The following SPATA6 variants were observed in gnomAD, a reference collection of about 807,000 sequenced individuals.
SPATA6 encodes the protein spermatogenesis-associated protein 6.
SPATA6 carries 56 observed loss-of-function variants against 65.3 expected under a neutral mutation model. That is an observed-to-expected ratio of 0.86 (90% CI 0.69 to 1.07). The LOEUF (loss-of-function observed/expected upper bound fraction) is 1.07. Ranked by LOEUF, SPATA6 falls within the 50% of genes least tolerant of loss-of-function variation. The probability of loss-of-function intolerance (pLI) is 0.00; values close to 1 mark genes in which losing one functional copy is unlikely to be tolerated. For synonymous variants in SPATA6, 199 were observed against 213.2 expected, an observed-to-expected ratio of 0.93 and a Z score of 0.58; for missense variants, 590 against 594.8, an observed-to-expected ratio of 0.99 and a Z score of 0.08.
At chr1:48,293,267 G>A (rs962031529), downstream of SPATA6, among the ~76,000 whole-genome samples, 1 of 152,198 alleles carries the variant, frequency 6.6e-6, no homozygotes, top group African/African-American at 2.4e-5. Context: ...TCACCTGAGG[G>A]TAACATTTGG....
Position 48,453,114 on chromosome 1 carries a change from G to A in SPATA6, c.69C>T (p.Val23=), listed in dbSNP as rs376652307. 11 of 1,612,322 alleles carry A rather than the reference G, an allele frequency of 6.8e-6. No homozygotes were observed. Among genetic ancestry groups the A allele is most frequent in the South Asian group, 1.1e-5 (1 of 90,652 alleles). Residue 23 remains valine (V), a synonymous_variant, in exon 2 of 13, where the codon GTC becomes GTT. Transcript: ENST00000371847. ...AGATGTCCTCTTTGTCTTTAAGCAC[G>A]ACTCCTGGGCAAGTTACCTGAAAGA... ...LEISSVTCPG[V]VLKDKEDIYL...
intron 12 of SPATA6, among the ~76,000 whole-genome samples, chr1:48,299,836 A>C (rs1644892858): frequency 6.6e-6 from 1 of 152,190 alleles, no homozygotes; most frequent in Non-Finnish European, 1.5e-5. Context: ...GTAAGTGGCA[A>C]AATGAAAAAG....
chr1:48,427,469 C>CTAT (rs1174454871), intron 3 of SPATA6, among the ~76,000 whole-genome samples: 1 of 142,698 alleles, frequency 7.0e-6, no homozygotes, highest in Non-Finnish European at 1.5e-5. Flanking sequence ...ATACTACAAA[C>CTAT]TATCGTTCAG....
Position 48,411,468 on chromosome 1 carries a change from A to G in SPATA6, c.401T>C (p.Leu134Pro). The G allele has an allele frequency of 6.2e-7, 1 of 1,605,338 alleles. No homozygotes were observed. The highest frequency in any genetic ancestry group is 1.1e-5 in the South Asian group (1 of 88,818). The change falls in exon 5 of 13, where the codon CTT becomes CCT. Residue 134 changes from leucine (L) to proline (P), a missense_variant. Transcript: ENST00000371847. ...RQVTMRRISG[L>P]RGNAPRLEFS... The stretch of plus-strand genomic sequence containing the variant: ...CAGAAAATTGCAAGCACTTACTCGA[A>G]GGCCAGAAATCCTCCTCATGGTAAC...
chr1:48,464,233 G>C (rs981582054), intron 1 of SPATA6, among the ~76,000 whole-genome samples: 1 of 151,852 alleles, frequency 6.6e-6, no homozygotes, highest in African/African-American at 2.4e-5. Context: ...TAGAAAAAAC[G>C]ACAAAGATAC....
intron 11 of SPATA6, among the ~76,000 whole-genome samples, chr1:48,336,998 T>C (rs1646078661): frequency 6.6e-6 from 1 of 151,964 alleles, no homozygotes; most frequent in Admixed American, 6.6e-5. Context: ...AAGGAAATAA[T>C]TTTGCATAGA....
Position 48,451,586 on chromosome 1 carries a change from T to G in SPATA6, c.204A>C (p.Ala68=), listed in dbSNP as rs1405282200. ...GTGTAACCACATCTCCAGGATCTAC[T>G]GCGTCCGGGAACACCTATAGTGAGA... ...RMVFEKVFPD[A]VDPGDVVTQL... The change falls in exon 3 of 13, where the codon GCA becomes GCC. Residue 68 remains alanine (A), a synonymous_variant. Transcript: ENST00000371847. 2 of 1,612,652 alleles carry G rather than the reference T, an allele frequency of 1.2e-6. No homozygotes were observed. The highest frequency in any genetic ancestry group is 4.5e-5 in the East Asian group (2 of 44,842).
At chr1:48,441,808 T>C (rs557862848) in intron 3 of SPATA6, among the ~76,000 whole-genome samples, 1 of 152,196 alleles carries the variant, frequency 6.6e-6, no homozygotes, top group South Asian at 2.1e-4. Flanking sequence ...TCAGAGGCTA[T>C]TAAAATAATA....
intron 5 of SPATA6, among the ~76,000 whole-genome samples, chr1:48,408,103 T>C (rs1383190933): frequency 6.6e-6 from 1 of 152,226 alleles, no homozygotes; most frequent in Non-Finnish European, 1.5e-5. Flanking sequence ...AGTCAACTTT[T>C]ATACTTTCAT....
At chr1:48,462,942 G>A (rs1403695245) in intron 1 of SPATA6, among the ~76,000 whole-genome samples, 1 of 152,196 alleles carries the variant, frequency 6.6e-6, no homozygotes, top group Non-Finnish European at 1.5e-5. Context: ...CATCTGTTGA[G>A]TGCAAGGATA....
At chr1:48,449,675 G>C (rs1656379491) in intron 3 of SPATA6, among the ~76,000 whole-genome samples, 1 of 152,196 alleles carries the variant, frequency 6.6e-6, no homozygotes, top group Admixed American at 6.5e-5. Context: ...ATTGGATCCT[G>C]ATTTTAACAA....
chr1:48,289,664 T>A, the SPATA6 span, among the ~76,000 whole-genome samples: 1 of 152,212 alleles, frequency 6.6e-6, no homozygotes, highest in Non-Finnish European at 1.5e-5. Context: ...AATGACCTGA[T>A]GGAGCTGAAA....
intron 11 of SPATA6, among the ~76,000 whole-genome samples, chr1:48,329,710 T>A (rs1230041365): frequency 1.3e-5 from 2 of 152,068 alleles, no homozygotes; most frequent in Non-Finnish European, 2.9e-5. Context: ...TTGGAATCCA[T>A]CAGGGCAGAG....
At chr1:48,340,333 A>G (rs1646179553) in intron 11 of SPATA6, among the ~76,000 whole-genome samples, 1 of 151,098 alleles carries the variant, frequency 6.6e-6, no homozygotes, top group East Asian at 1.9e-4. Flanking sequence ...CCAAAAACAA[A>G]GATCACCAAA....
In SPATA6 at chr1:48,298,682, C is replaced by A. The variant is rs199508980; in HGVS notation, c.*31G>T. The A allele has an allele frequency of 3.1e-5, 48 of 1,551,516 alleles. No homozygotes were observed. Among genetic ancestry groups the A allele is most frequent in the African/African-American group, 2.8e-5 (2 of 72,660 alleles). ...AAACATTTTCATTGAGAAATTGACA[C>A]GGACACTAATGAGGTTTATCATGGA... is the stretch of plus-strand genomic sequence containing the variant. On this transcript the variant is annotated 3_prime_UTR_variant, in exon 13 of 13. Coordinates refer to ENST00000371847, the MANE Select transcript of SPATA6 (RefSeq NM_019073.4).
intron 6 of SPATA6, 37 bp downstream of exon 6, chr1:48,403,765 A>G (rs1651410426): frequency 6.6e-7 from 1 of 1,508,444 alleles, no homozygotes; most frequent in African/African-American, 1.4e-5. Context: ...GACCAAATAA[A>G]TTAAACCATT....
At chr1:48,385,370 CAATT>C (rs765037821) in intron 8 of SPATA6, 21 bp from the exon 9 acceptor site, 56 of 1,600,456 alleles carry the variant, frequency 3.5e-5, no homozygotes, top group African/African-American at 5.4e-5. Context: ...AAGTACAAAA[CAATT>C]AAAGTTTAAA....
chr1:48,470,135 T>C (rs1417594170), intron 1 of SPATA6, among the ~76,000 whole-genome samples: 1 of 152,230 alleles, frequency 6.6e-6, no homozygotes, highest in African/African-American at 2.4e-5. Context: ...AATTACACAG[T>C]CATTCACTTT....
chr1:48,386,982 A>G (rs1347865098), intron 8 of SPATA6, among the ~76,000 whole-genome samples: 1 of 152,212 alleles, frequency 6.6e-6, no homozygotes, highest in African/African-American at 2.4e-5. Flanking sequence ...CGATAAAGAC[A>G]TACCTGAGAA....
Sources: gnomAD v4.1 joint callset for allele counts (sites outside exome capture counted in the v4.1 genomes callset) on GRCh38, gnomAD v4.1.1 for gene constraint, MANE v1.5 for transcripts, NCBI Gene and HGNC (gene_info 2026-07-23, HGNC 2026-07-21) for gene names.